AGBL1: variants seen among roughly 807,000 people sequenced by gnomAD.
AGBL1 encodes the protein cytosolic carboxypeptidase 4.
In AGBL1, 130 loss-of-function variants were observed where a neutral mutation model predicts 118.9. The observed-to-expected ratio is 1.09, with a 90% CI of 0.95 to 1.26. The LOEUF (loss-of-function observed/expected upper bound fraction) is 1.26, where lower values mean the gene tolerates loss of function less well. Ranked by LOEUF, AGBL1 falls within the 50% of genes most tolerant of loss-of-function variation. AGBL1 has a pLI of 0.00. For synonymous variants in AGBL1, 555 were observed against 478.9 expected (o/e 1.16, Z -2.08); for missense variants, 1,584 against 1,298.1 (o/e 1.22, Z -3.38).
chr15:86,829,074 C>T (rs1354907640), intron 22 of AGBL1, among the ~76,000 whole-genome samples: 2 of 151,614 alleles, frequency 1.3e-5, no homozygotes, highest in Non-Finnish European at 2.9e-5. Context: ...TTATTGATGT[C>T]CTGGTTATTA....
At chr15:86,342,608 C>A (rs765642083) in intron 17 of AGBL1, among the ~76,000 whole-genome samples, 1 of 152,098 alleles carries the variant, frequency 6.6e-6, no homozygotes, top group Non-Finnish European at 1.5e-5. Flanking sequence ...AACAGAGGGA[C>A]AGGATGATGA....
At chr15:86,154,306 T>C in intron 3 of AGBL1, 124 bp from the exon 4 acceptor site, 1 of 1,124,568 alleles carries the variant, frequency 8.9e-7, no homozygotes, top group Non-Finnish European at 1.2e-6. Context: ...TCACTAGGTC[T>C]GAAAAATGTC....
In AGBL1 at chr15:86,615,029, T is replaced by C. The variant is rs1472965721; in HGVS notation, c.2995-59244T>C. ...GGTGAGAGTTCATGGCAGGGCAATT[T>C]GGATAAAGTAATTAGGATACCAAAA... On this transcript the variant is annotated intron_variant, in intron 21 of 22. Coordinates refer to ENST00000614907, the MANE Select transcript of AGBL1 (RefSeq NM_001386094.1). This position sits in a 1 kb window ranked among gnomAD's most constrained non-coding sequence, Gnocchi z 4.3. Among the ~76,000 whole-genome samples the C allele has an allele frequency of 6.6e-6, 1 of 152,144 alleles. No homozygotes were observed.
In AGBL1 at chr15:86,554,540, A is replaced by G. The variant is rs767790319; in HGVS notation, c.2994+3A>G. The G allele has an allele frequency of 3.3e-6, 5 of 1,498,094 alleles. No individual in the cohort carries two copies. The highest frequency in any genetic ancestry group is 5.0e-5 in the East Asian group (2 of 39,788). 92.8% of individuals were successfully genotyped at this position (1,498,094 alleles called of 1,614,324 possible). A position where few individuals can be genotyped will look rare whatever the true frequency, so the allele number is the denominator to read the frequency against. ...GCTGCAACCAGGGCCCTTATCAGGT[A>G]TGTGAGGCTGCAGGACACCCATACT... On this transcript the variant is annotated splice_donor_region_variant and intron_variant, in intron 21 of 22. Coordinates refer to ENST00000614907, the MANE Select transcript of AGBL1 (RefSeq NM_001386094.1).
chr15:86,770,137 AAAAACTAAAC>A (rs2078155182), intron 22 of AGBL1, among the ~76,000 whole-genome samples: 1 of 152,008 alleles, frequency 6.6e-6, no homozygotes, highest in Non-Finnish European at 1.5e-5. Context: ...TTTATAAATG[AAAAACTAAAC>A]AAAACTAAAC....
Position 86,935,684 on chromosome 15 carries a change from G to A in AGBL1, c.3222-52303G>A, listed in dbSNP as rs1158138772. On this transcript the variant is annotated intron_variant, in intron 23 of 24. Transcript: ENST00000441037. ...GTTTATGGAAACATAAAGAGCCCAC[G>A]TTAGTGTTTAGCCAGTGTCAAGTCT... 2.6e-5 allele frequency among the ~76,000 whole-genome samples: 4 copies of A among 152,184 alleles called. No homozygotes were observed. The South Asian group carries it at 8.3e-4, about 31-fold the overall frequency.
chr15:86,430,769 C>G (rs1409570502), intron 18 of AGBL1, among the ~76,000 whole-genome samples: 1 of 152,138 alleles, frequency 6.6e-6, no homozygotes, highest in Non-Finnish European at 1.5e-5. Context: ...TTTGAGAGAA[C>G]AAAGACTTCA....
chr15:86,606,780 C>T (rs902129253), intron 21 of AGBL1, among the ~76,000 whole-genome samples: 1 of 152,178 alleles, frequency 6.6e-6, no homozygotes, highest in East Asian at 1.9e-4. Flanking sequence ...GCATAAGTGT[C>T]GTACATTTGT....
At chr15:86,750,147 A>G (rs2077824863) in intron 22 of AGBL1, among the ~76,000 whole-genome samples, 1 of 152,062 alleles carries the variant, frequency 6.6e-6, no homozygotes, top group Admixed American at 6.6e-5. Flanking sequence ...TCCCTGCAGA[A>G]AAGTTTTCTA....
chr15:86,414,653 C>A (rs778461283), intron 18 of AGBL1, among the ~76,000 whole-genome samples: 30 of 152,282 alleles, frequency 2.0e-4, no homozygotes, highest in Middle Eastern at 3.4e-3. Context: ...TGCATGGAGA[C>A]TCTCCAAGAT....
chr15:86,611,979 T>C (rs956755203), intron 21 of AGBL1, among the ~76,000 whole-genome samples: 9 of 151,998 alleles, frequency 5.9e-5, no homozygotes, highest in Admixed American at 2.6e-4. Context: ...ACACCTGGAG[T>C]ATTGCCTTTT....
intron 13 of AGBL1, among the ~76,000 whole-genome samples, chr15:86,268,953 T>C (rs1251494029): frequency 1.3e-5 from 2 of 152,208 alleles, no homozygotes; most frequent in African/African-American, 4.8e-5. Flanking sequence ...ACCAAGAGGA[T>C]GGAGCAACAT....
At chr15:86,765,129 C>T (rs1016804688) in intron 22 of AGBL1, among the ~76,000 whole-genome samples, 5 of 151,942 alleles carry the variant, frequency 3.3e-5, no homozygotes, top group African/African-American at 1.2e-4. Flanking sequence ...ATAAGGATTA[C>T]ATGTGTGGTT....
At chr15:86,781,963 G>C (rs1022390585) in intron 22 of AGBL1, among the ~76,000 whole-genome samples, 2 of 151,084 alleles carry the variant, frequency 1.3e-5, no homozygotes, top group Non-Finnish European at 2.9e-5. Flanking sequence ...GTTTCTCTTT[G>C]TCCTTCCCTC....
chr15:86,790,628 A>G (rs2078479020), intron 22 of AGBL1, among the ~76,000 whole-genome samples: 1 of 152,138 alleles, frequency 6.6e-6, no homozygotes, highest in African/African-American at 2.4e-5. Flanking sequence ...TTTTATGGGA[A>G]ATGATTTCCA....
downstream of AGBL1, among the ~76,000 whole-genome samples, chr15:87,031,406 A>C (rs1221060409): frequency 6.6e-6 from 1 of 152,000 alleles, no homozygotes; most frequent in African/African-American, 2.4e-5. Flanking sequence ...TATTGTATTA[A>C]GATAACACAG....
intron 21 of AGBL1, among the ~76,000 whole-genome samples, chr15:86,567,034 C>G (rs751149738): frequency 3.9e-5 from 6 of 152,160 alleles, no homozygotes; most frequent in Admixed American, 6.5e-5. Context: ...TCACCATTTT[C>G]ATAGTAAAAA....
chr15:86,428,363 G>T (rs755770705), intron 18 of AGBL1, among the ~76,000 whole-genome samples: 1 of 152,130 alleles, frequency 6.6e-6, no homozygotes, highest in Non-Finnish European at 1.5e-5. Context: ...TCCCAAAGTA[G>T]GGGAAATATA....
chr15:86,102,227 G>A (rs943366652), intron 1 of AGBL1, among the ~76,000 whole-genome samples: 6 of 151,992 alleles, frequency 3.9e-5, no homozygotes, highest in East Asian at 3.9e-4. Context: ...TTTTAGTAGC[G>A]ATGGGGTTTT....
Sources: allele counts gnomAD v4.1 joint callset (sites outside exome capture counted in the v4.1 genomes callset), GRCh38; gene constraint gnomAD v4.1.1; non-coding constraint Gnocchi (gnomAD v3.1); transcripts MANE v1.5; gene names NCBI Gene and HGNC (gene_info 2026-07-23, HGNC 2026-07-21).